Variants in ARID1B observed in about 807,000 individuals in gnomAD.
The protein encoded by ARID1B is AT-rich interaction domain 1B.
In ARID1B, 30 loss-of-function variants were observed where a neutral mutation model predicts 212.3. The observed-to-expected ratio is 0.14, with a 90% confidence interval of 0.11 to 0.19. The LOEUF is 0.19. ARID1B is among the 10% of genes least tolerant of loss of function. The probability of loss-of-function intolerance (pLI) is 1.00; values close to 1 mark genes in which losing one functional copy is unlikely to be tolerated. For synonymous variants in ARID1B, 1,402 were observed against 1,301.7 expected (o/e 1.08, Z -1.66); for missense variants, 2,891 against 3,204.0 (o/e 0.90, Z 2.36).
At chr6:157,128,114 T>C (rs1425229856) in intron 6 of ARID1B, among the ~76,000 whole-genome samples, 2 of 152,208 alleles carry the variant, frequency 1.3e-5, no homozygotes, top group Non-Finnish European at 2.9e-5. Flanking sequence ...TAGACATGCA[T>C]CGTTTCTGTA....
Position 157,070,181 on chromosome 6 carries a change from G to T in ARID1B, c.2248-14481G>T, listed in dbSNP as rs188934354. On this transcript the variant is annotated intron_variant, in intron 4 of 19. Transcript: ENST00000636930. ...TCTCTTATTTTTTAAAGAATAATAA[G>T]CTGTGTTACCTTAAATTGTTCATTT... Among the ~76,000 whole-genome samples, 20 of 150,894 alleles carry T rather than the reference G, an allele frequency of 1.3e-4. No individual in the cohort carries two copies. In the East Asian group the frequency reaches 2.5e-3, roughly 19 times the overall value.
At chr6:157,149,903 C>G (rs1437841301) in intron 8 of ARID1B, 1 of 152,086 alleles carries the variant, frequency 6.6e-6, no homozygotes, top group Non-Finnish European at 1.5e-5. Flanking sequence ...TGGGACCCCT[C>G]CAGTCTTATT....
At chr6:156,915,099 C>T (rs1790240876) in intron 3 of ARID1B, among the ~76,000 whole-genome samples, 1 of 152,132 alleles carries the variant, frequency 6.6e-6, no homozygotes, top group African/African-American at 2.4e-5. Context: ...ACATACTTTA[C>T]AGTGTTGAAG....
intron 1 of ARID1B, among the ~76,000 whole-genome samples, chr6:156,803,794 A>G (rs1780957254): frequency 6.6e-6 from 1 of 151,324 alleles, no homozygotes; most frequent in African/African-American, 2.4e-5. Context: ...CTTTTTTTCC[A>G]ATACATATTA....
At chr6:156,926,079 A>G (rs909491672) in intron 3 of ARID1B, among the ~76,000 whole-genome samples, 1 of 152,208 alleles carries the variant, frequency 6.6e-6, no homozygotes, top group African/African-American at 2.4e-5. Context: ...CTGTGGCTGC[A>G]TAAGGCTTCT....
At chr6:156,939,867 G>A (rs960608890) in intron 4 of ARID1B, 1 of 152,016 alleles carries the variant, frequency 6.6e-6, no homozygotes, top group East Asian at 1.9e-4. Flanking sequence ...GACAGAAATG[G>A]TAATCATAAG....
intron 4 of ARID1B, chr6:157,022,276 G>A (rs546602765): frequency 5.9e-5 from 9 of 152,286 alleles, no homozygotes; most frequent in African/African-American, 1.4e-4. Flanking sequence ...CAGGCACTTG[G>A]ATTCTATTTG....
chr6:157,011,317 A>G (rs963560269), intron 4 of ARID1B, among the ~76,000 whole-genome samples: 1 of 152,228 alleles, frequency 6.6e-6, no homozygotes, highest in African/African-American at 2.4e-5. Flanking sequence ...TAATTGTCCA[A>G]AAAGTATTGT....
chr6:156,946,332 A>G (rs1205435839), intron 4 of ARID1B, among the ~76,000 whole-genome samples: 2 of 152,108 alleles, frequency 1.3e-5, no homozygotes, highest in Admixed American at 6.6e-5. Context: ...AGATTGTGCC[A>G]TTGCACTCCA....
chr6:157,183,319 C>T (rs531974673), intron 12 of ARID1B, among the ~76,000 whole-genome samples: 56 of 152,240 alleles, frequency 3.7e-4, no homozygotes, highest in Non-Finnish European at 7.2e-4. Flanking sequence ...TATACACCAC[C>T]GAGTACTAAG....
intron 8 of ARID1B, chr6:157,150,992 G>A (rs1790158806): frequency 6.0e-6 from 1 of 166,536 alleles, no homozygotes; most frequent in Admixed American, 6.4e-5. Context: ...TCTCCAAGGG[G>A]GTTGTCCTTC....
intron 2 of ARID1B, among the ~76,000 whole-genome samples, chr6:156,841,672 A>C (rs545839791): frequency 3.6e-4 from 55 of 152,222 alleles, no homozygotes; most frequent in African/African-American, 1.3e-3. Context: ...ATAGTAGCTC[A>C]TGTTTATTGA....
At chr6:156,944,918 T>C (rs1295480068) in intron 4 of ARID1B, among the ~76,000 whole-genome samples, 2 of 149,958 alleles carry the variant, frequency 1.3e-5, no homozygotes, top group African/African-American at 5.0e-5. Context: ...TTCTTCTTTT[T>C]CTTTTCCTTT....
At chr6:157,054,764 G>C (rs919110268) in intron 4 of ARID1B, among the ~76,000 whole-genome samples, 3 of 152,198 alleles carry the variant, frequency 2.0e-5, no homozygotes, top group Non-Finnish European at 4.4e-5. Context: ...GGTTAAAGCA[G>C]AAATCTTTGA....
At chr6:156,784,832 T>C (rs1779525153) in intron 1 of ARID1B, among the ~76,000 whole-genome samples, 1 of 152,196 alleles carries the variant, frequency 6.6e-6, no homozygotes, top group Non-Finnish European at 1.5e-5. Flanking sequence ...CGATCTTGGC[T>C]CACTGTGGCC....
intron 8 of ARID1B, among the ~76,000 whole-genome samples, chr6:157,153,922 G>A (rs544517658): frequency 2.0e-5 from 3 of 152,286 alleles, no homozygotes; most frequent in Admixed American, 2.0e-4. Context: ...TTACAGGCGT[G>A]AGCCACCACT....
At chr6:156,852,734 C>T (rs753805219) in intron 2 of ARID1B, among the ~76,000 whole-genome samples, 5 of 152,172 alleles carry the variant, frequency 3.3e-5, no homozygotes, top group Admixed American at 6.5e-5. Flanking sequence ...TATATTTTCC[C>T]GTGCCTGTGA....
chr6:157,045,595 C>G (rs1166437655), intron 4 of ARID1B, among the ~76,000 whole-genome samples: 5 of 152,118 alleles, frequency 3.3e-5, no homozygotes, highest in African/African-American at 1.2e-4. Flanking sequence ...ACTTGGCTAA[C>G]TCTCTGAGTG....
chr6:157,110,418 C>A, intron 5 of ARID1B, 54 bp from the exon 6 acceptor site: 1 of 1,513,474 alleles, frequency 6.6e-7, no homozygotes, highest in Non-Finnish European at 9.2e-7. Context: ...TGCATGACTG[C>A]ATTATTAATG....
Sources: allele counts gnomAD v4.1 joint callset (sites outside exome capture counted in the v4.1 genomes callset), GRCh38; gene constraint gnomAD v4.1.1; transcripts MANE v1.5; gene names NCBI Gene and HGNC (gene_info 2026-07-23, HGNC 2026-07-21).